The following NTNG1 variants were observed in gnomAD, a reference collection of about 807,000 sequenced individuals.
NTNG1 encodes the protein netrin-G1.
In NTNG1, 16 loss-of-function variants were observed where a neutral mutation model predicts 54.0. The ratio of observed to expected loss-of-function variants is 0.30; its 90% CI spans 0.20 to 0.45. The LOEUF is 0.45. Ranked by LOEUF, NTNG1 falls within the 20% of genes least tolerant of loss-of-function variation. The pLI, the probability that NTNG1 is intolerant of heterozygous loss-of-function variation, is 1.00. For synonymous variants in NTNG1, 255 were observed against 263.1 expected (o/e 0.97, Z 0.30); for missense variants, 530 against 678.7 (o/e 0.78, Z 2.43).
At chr1:107,285,183 A>G (rs1388773925) in intron 2 of NTNG1, among the ~76,000 whole-genome samples, 1 of 152,180 alleles carries the variant, frequency 6.6e-6, no homozygotes, top group Non-Finnish European at 1.5e-5. Context: ...GTGGATAAGT[A>G]ATGTCACTCC....
chr1:107,235,156 G>C (rs571851196), intron 2 of NTNG1, among the ~76,000 whole-genome samples: 1 of 152,224 alleles, frequency 6.6e-6, no homozygotes, highest in South Asian at 2.1e-4. Flanking sequence ...AACTCCCTTT[G>C]TCTGATTTCA....
intron 2 of NTNG1, among the ~76,000 whole-genome samples, chr1:107,169,613 A>G (rs1418443560): frequency 6.6e-6 from 1 of 152,156 alleles, no homozygotes; most frequent in African/African-American, 2.4e-5. Flanking sequence ...ATAAAATCTT[A>G]CAAATAAGTG....
intron 2 of NTNG1, among the ~76,000 whole-genome samples, chr1:107,239,791 TA>T (rs112483496): frequency 3.9e-4 from 58 of 148,624 alleles, no homozygotes; most frequent in African/African-American, 1.2e-3. Context: ...GGTGGTTAAA[TA>T]AAAAAAAAAT....
chr1:107,360,137 A>G (rs1002445394), intron 3 of NTNG1, among the ~76,000 whole-genome samples: 1 of 152,174 alleles, frequency 6.6e-6, no homozygotes, highest in Non-Finnish European at 1.5e-5. Flanking sequence ...AAACATATTG[A>G]TTAGAAAAAT....
At position 107,158,236 on chromosome 1, in the gene NTNG1, CAG is replaced by C. The variant is rs144169349; in HGVS notation, c.246+9400_246+9401del. 3.5e-3 allele frequency among the ~76,000 whole-genome samples: 538 copies of C among 152,194 alleles called. 5 individuals carry two copies. Among genetic ancestry groups the C allele is most frequent in the Non-Finnish European group, 4.0e-3 (273 of 67,984 alleles). ...TTTTTTGTGTGCCATTTAAAAATTT[CAG>C]AGTTTCTTTTCTTACAAAAGGGGAA... On this transcript the variant is annotated intron_variant, in intron 2 of 7. Coordinates refer to ENST00000370068, the MANE Select transcript of NTNG1 (RefSeq NM_001113226.3).
intron 3 of NTNG1, among the ~76,000 whole-genome samples, chr1:107,371,733 G>A (rs1268167753): frequency 6.6e-6 from 1 of 151,970 alleles, no homozygotes; most frequent in African/African-American, 2.4e-5. Flanking sequence ...GAAGAGGAGG[G>A]AATACTTTCT....
intron 2 of NTNG1, among the ~76,000 whole-genome samples, chr1:107,256,231 A>G (rs1314357137): frequency 1.3e-5 from 2 of 152,194 alleles, no homozygotes; most frequent in African/African-American, 4.8e-5. Flanking sequence ...CTTATGGGCC[A>G]TGAGCTTCCC....
intron 3 of NTNG1, among the ~76,000 whole-genome samples, chr1:107,359,229 G>A (rs769381477): frequency 5.3e-5 from 8 of 152,104 alleles, no homozygotes; most frequent in Non-Finnish European, 1.2e-4. Context: ...TACATCCTGC[G>A]TGCCCAATTT....
At chr1:107,354,758 T>C (rs1669840434) in intron 3 of NTNG1, among the ~76,000 whole-genome samples, 1 of 152,142 alleles carries the variant, frequency 6.6e-6, no homozygotes, top group Non-Finnish European at 1.5e-5. Context: ...TTCCCACTTG[T>C]GGCCTGCACG....
chr1:107,361,163 AAATAT>A (rs1432370280), intron 3 of NTNG1, among the ~76,000 whole-genome samples: 5 of 144,748 alleles, frequency 3.5e-5, no homozygotes, highest in East Asian at 2.0e-4. Context: ...TTCTTATATA[AAATAT>A]AATATATATT....
intron 2 of NTNG1, among the ~76,000 whole-genome samples, chr1:107,322,317 C>A (rs906533340): frequency 5.3e-5 from 8 of 152,028 alleles, no homozygotes; most frequent in Non-Finnish European, 8.8e-5. Context: ...TTTCCATACC[C>A]CTGACCTCAG....
chr1:107,450,855 C>A (rs1434890953), intron 7 of NTNG1, among the ~76,000 whole-genome samples: 3 of 152,040 alleles, frequency 2.0e-5, no homozygotes, highest in Non-Finnish European at 1.5e-5. Context: ...TGCTAAAATA[C>A]CTGCCTACTG....
intron 2 of NTNG1, among the ~76,000 whole-genome samples, chr1:107,284,367 C>T (rs1196317601): frequency 2.0e-5 from 3 of 152,080 alleles, no homozygotes; most frequent in Non-Finnish European, 2.9e-5. Flanking sequence ...TCCCCACTCT[C>T]AAGAAAATAA....
At chr1:107,344,862 T>C (rs1031008223) in intron 3 of NTNG1, among the ~76,000 whole-genome samples, 2 of 152,198 alleles carry the variant, frequency 1.3e-5, no homozygotes, top group African/African-American at 4.8e-5. Context: ...GGTTAATTTT[T>C]TAAACCTTGC....
intron 7 of NTNG1, among the ~76,000 whole-genome samples, chr1:107,479,329 G>A (rs1378526062): frequency 2.0e-5 from 3 of 152,132 alleles, no homozygotes; most frequent in African/African-American, 4.8e-5. Context: ...CATAATTAGT[G>A]GACAAGGCAA....
intron 7 of NTNG1, among the ~76,000 whole-genome samples, chr1:107,472,580 G>A (rs146256571): frequency 6.6e-6 from 1 of 152,226 alleles, no homozygotes; most frequent in East Asian, 1.9e-4. Context: ...TATGTCCAAG[G>A]CCTTGTCGTA....
chr1:107,458,911 A>T (rs1184956714), intron 7 of NTNG1, among the ~76,000 whole-genome samples: 2 of 152,176 alleles, frequency 1.3e-5, no homozygotes, highest in Admixed American at 6.5e-5. Context: ...AAGGAATATA[A>T]CTTAATGTTT....
At chr1:107,286,876 C>T (rs1665232928) in intron 2 of NTNG1, among the ~76,000 whole-genome samples, 1 of 152,052 alleles carries the variant, frequency 6.6e-6, no homozygotes, top group South Asian at 2.1e-4. Context: ...ATCTCATCAT[C>T]CAAATTTCAA....
chr1:107,186,101 G>A (rs1331777308), intron 2 of NTNG1, among the ~76,000 whole-genome samples: 1 of 152,068 alleles, frequency 6.6e-6, no homozygotes, highest in Non-Finnish European at 1.5e-5. Context: ...CCACTTATAA[G>A]TGAGAACATG....
Sources: allele counts gnomAD v4.1 joint callset (sites outside exome capture counted in the v4.1 genomes callset), GRCh38; gene constraint gnomAD v4.1.1; transcripts MANE v1.5; gene names NCBI Gene and HGNC (gene_info 2026-07-23, HGNC 2026-07-21).